Variants in FHL2 observed in about 807,000 individuals in gnomAD.
FHL2 encodes four and a half LIM domains protein 2.
FHL2 carries 20 observed loss-of-function variants against 32.7 expected under a neutral mutation model. The observed-to-expected ratio is 0.61, with a 90% CI of 0.43 to 0.89. FHL2 has a LOEUF of 0.89. Among genes scored for constraint, FHL2 ranks in the 40% least tolerant of loss-of-function variants. FHL2 has a pLI of 0.00. For synonymous variants in FHL2, 123 were observed against 128.1 expected, an observed-to-expected ratio of 0.96 and a Z score of 0.27; for missense variants, 311 against 358.6, an observed-to-expected ratio of 0.87 and a Z score of 1.07.
intron 1 of FHL2, among the ~76,000 whole-genome samples, chr2:105,406,595 G>A (rs1683637611): frequency 6.6e-6 from 1 of 152,050 alleles, no homozygotes; most frequent in African/African-American, 2.4e-5. Flanking sequence ...TTGCATGGAG[G>A]GTCTGTCTGT....
intron 2 of FHL2, among the ~76,000 whole-genome samples, chr2:105,394,796 G>A (rs1441936288): frequency 1.3e-5 from 2 of 152,138 alleles, no homozygotes; most frequent in African/African-American, 4.8e-5. Flanking sequence ...ACAGGTGTCA[G>A]AGGTGTATTA....
upstream of FHL2, chr2:105,399,712 G>T: frequency 7.8e-7 from 1 of 1,286,788 alleles, no homozygotes; most frequent in Non-Finnish European, 1.0e-6. Context: ...GGCCCTCTGC[G>T]TGACGCTGAC....
intron 3 of FHL2, chr2:105,378,283 A>T: frequency 6.9e-6 from 3 of 436,906 alleles, no homozygotes; most frequent in South Asian, 5.3e-5. Context: ...AAATGTGGAT[A>T]TTATCCACAT....
intron 1 of FHL2, chr2:105,397,010 G>GTTTTTTTT (rs35576785): frequency 4.6e-5 from 5 of 108,722 alleles, no homozygotes; most frequent in South Asian, 3.0e-4. Flanking sequence ...TATCTAGTCT[G>GTTTTTTTT]TTTTTTTTTT....
upstream of FHL2, chr2:105,399,462 G>A (rs1573380131): frequency 2.0e-6 from 3 of 1,536,198 alleles, no homozygotes; most frequent in African/African-American, 2.7e-5. Context: ...GGAGGCATGT[G>A]CCTGGGATAT....
At chr2:105,433,457 C>T (rs946320764) in intron 1 of FHL2, among the ~76,000 whole-genome samples, 8 of 152,202 alleles carry the variant, frequency 5.3e-5, no homozygotes, top group East Asian at 3.8e-4. Context: ...GCTGGGATTA[C>T]AGGCGTGAGC....
Position 105,361,283 on chromosome 2 carries a change from T to G in FHL2, c.840A>C (p.Ter280CysextTer43). The G allele has an allele frequency of 6.2e-7, 1 of 1,611,964 alleles. No individual in the cohort carries two copies. Among genetic ancestry groups the G allele is most frequent in the South Asian group, 1.1e-5 (1 of 90,566 alleles). Reference sequence around the variant, plus strand: ...AAGCAGCAACTTCTCTGTGTTGAATTCAGATGTCTTTCCCACAGTCGGGGC... The same window carrying G: ...AAGCAGCAACTTCTCTGTGTTGAATGCAGATGTCTTTCCCACAGTCGGGGC... Reference protein sequence around the residue: ...ILCPDCGKDI* With the variant: ...ILCPDCGKDIC Residue 280 changes from the stop codon to cysteine (C), a stop_lost, in exon 7 of 7, where the codon TGA becomes TGC. Coordinates refer to ENST00000530340, the MANE Select transcript of FHL2 (RefSeq NM_001318895.3).
intron 1 of FHL2, among the ~76,000 whole-genome samples, chr2:105,412,600 A>T (rs1425875224): frequency 6.6e-6 from 1 of 152,228 alleles, no homozygotes; most frequent in African/African-American, 2.4e-5. Flanking sequence ...TAAATAAACC[A>T]GGAGAGTGAG....
At chr2:105,378,419 T>A (rs569318280) in intron 3 of FHL2, 2 of 341,212 alleles carry the variant, frequency 5.9e-6, no homozygotes, top group South Asian at 4.6e-5. Context: ...GACAACCTGG[T>A]CTGCTATATC....
At chr2:105,431,103 T>G (rs1373084545) in intron 1 of FHL2, among the ~76,000 whole-genome samples, 1 of 152,150 alleles carries the variant, frequency 6.6e-6, no homozygotes, top group South Asian at 2.1e-4. Context: ...GGAGGAAGAG[T>G]TTTATAACAT....
At chr2:105,370,343 C>T (rs1260662106) in intron 4 of FHL2, among the ~76,000 whole-genome samples, 1 of 151,996 alleles carries the variant, frequency 6.6e-6, no homozygotes, top group East Asian at 1.9e-4. Context: ...CCACTACTCT[C>T]CCGCCTGAGC....
At chr2:105,361,528 T>A in intron 6 of FHL2, 94 bp from the exon 7 acceptor site, 2 of 1,159,236 alleles carry the variant, frequency 1.7e-6, no homozygotes, top group East Asian at 4.8e-5. Flanking sequence ...ATTTCAAAGT[T>A]TGGATTGTGT....
At chr2:105,427,827 C>A (rs1002086567) in intron 1 of FHL2, among the ~76,000 whole-genome samples, 1 of 152,102 alleles carries the variant, frequency 6.6e-6, no homozygotes, top group Admixed American at 6.6e-5. Context: ...GACAGGGCCC[C>A]GAGAACCAGC....
upstream of FHL2, chr2:105,399,494 C>A (rs1425014995): frequency 3.9e-6 from 6 of 1,536,160 alleles, no homozygotes; most frequent in South Asian, 7.1e-5. Flanking sequence ...GGACGTTTTT[C>A]CTTCTTACCC....
chr2:105,399,409 G>A, upstream of FHL2: 1 of 1,536,158 alleles, frequency 6.5e-7, no homozygotes, highest in Non-Finnish European at 8.7e-7. Flanking sequence ...AGAAGCCCCA[G>A]GACGTGCCGG....
At chr2:105,420,502 G>A (rs1684069149) in intron 1 of FHL2, among the ~76,000 whole-genome samples, 1 of 152,094 alleles carries the variant, frequency 6.6e-6, no homozygotes, top group Non-Finnish European at 1.5e-5. Flanking sequence ...ATTTGGGGGA[G>A]AGACACTCAA....
rs532270115 is a variant in FHL2 at position 105,411,611 on chromosome 2, G to A, written c.-24-25071C>T. On this transcript the variant is annotated intron_variant, in intron 1 of 5. Transcript: ENST00000393352. ...TCCCAGCACTTTGGTAGGCCGAGGCGGGCGGATCACTTGAGGTCAGGAATT... is the reference window on the plus strand; with the variant it reads ...TCCCAGCACTTTGGTAGGCCGAGGCAGGCGGATCACTTGAGGTCAGGAATT... Among the ~76,000 whole-genome samples the A allele has an allele frequency of 1.7e-4, 26 of 148,954 alleles. No individual in the cohort carries two copies. In the South Asian group the frequency reaches 1.9e-3, roughly 11 times the overall value.
At chr2:105,414,157 A>G (rs1338257274) in intron 1 of FHL2, among the ~76,000 whole-genome samples, 1 of 152,170 alleles carries the variant, frequency 6.6e-6, no homozygotes, top group Non-Finnish European at 1.5e-5. Context: ...TATTATGAAG[A>G]TATTGTGAGG....
chr2:105,380,023 G>A (rs1456782640), intron 3 of FHL2, among the ~76,000 whole-genome samples: 1 of 152,186 alleles, frequency 6.6e-6, no homozygotes, highest in Non-Finnish European at 1.5e-5. Context: ...TCTGAGTCAA[G>A]TTAATAAATT....
Sources: allele counts gnomAD v4.1 joint callset (sites outside exome capture counted in the v4.1 genomes callset), GRCh38; gene constraint gnomAD v4.1.1; transcripts MANE v1.5; gene names NCBI Gene and HGNC (gene_info 2026-07-23, HGNC 2026-07-21).